KCNT2: variants seen among roughly 807,000 people sequenced by gnomAD.
KCNT2 encodes potassium channel subfamily T member 2.
A neutral mutation model predicts 153.8 loss-of-function variants in KCNT2; 67 were observed. The observed-to-expected ratio is 0.44, with a 90% CI of 0.36 to 0.53. The LOEUF (loss-of-function observed/expected upper bound fraction) is 0.53, where lower values mean the gene tolerates loss of function less well. Ranked by LOEUF, KCNT2 falls within the 20% of genes least tolerant of loss-of-function variation. The pLI, the probability that KCNT2 is intolerant of heterozygous loss-of-function variation, is 0.00. For synonymous variants in KCNT2, 500 were observed against 458.8 expected, an observed-to-expected ratio of 1.09 and a Z score of -1.15; for missense variants, 975 against 1,354.8, an observed-to-expected ratio of 0.72 and a Z score of 4.40.
In KCNT2 at chr1:196,334,022, A is replaced by G; in HGVS notation, c.1822T>C (p.Ser608Pro). 6.2e-7 allele frequency: 1 copy of G among 1,613,370 alleles called. No individual in the cohort carries two copies. Among genetic ancestry groups the G allele is most frequent in the Non-Finnish European group, 8.5e-7 (1 of 1,179,638 alleles). Residue 608 changes from serine (S) to proline (P), a missense_variant, in exon 17 of 28, where the codon TCA (serine) becomes CCA (proline). This residue lies in a region of KCNT2 where 325 missense variants were observed against 388.1 expected (regional missense o/e 0.84). Transcript: ENST00000294725. ...AGAGACAGGGTAGGGCCACTTGCTG[A>G]TCTACAGCTTGTATCTTGCAAGTCT... ...AIDLQDTSCR[S>P]ASGPTLSLPT...
chr1:196,464,670 A>C (rs756053466), intron 8 of KCNT2, among the ~76,000 whole-genome samples: 2 of 151,950 alleles, frequency 1.3e-5, no homozygotes, highest in African/African-American at 2.4e-5. Flanking sequence ...TTCTCTCATT[A>C]AGGATCTGAA....
At chr1:196,432,262 C>G (rs1437755067) in intron 8 of KCNT2, among the ~76,000 whole-genome samples, 1 of 152,108 alleles carries the variant, frequency 6.6e-6, no homozygotes, top group Non-Finnish European at 1.5e-5. Context: ...CAAAGGATTC[C>G]TTGGAGAGCC....
chr1:196,412,218 A>G (rs971764422), intron 12 of KCNT2, among the ~76,000 whole-genome samples: 3 of 151,710 alleles, frequency 2.0e-5, no homozygotes, highest in African/African-American at 4.8e-5. Flanking sequence ...ATTTTCACTA[A>G]CATTGTACAC....
intron 15 of KCNT2, among the ~76,000 whole-genome samples, chr1:196,341,101 C>T (rs1052637594): frequency 4.0e-5 from 6 of 151,794 alleles, no homozygotes; most frequent in African/African-American, 1.5e-4. Flanking sequence ...TACAGAAGCT[C>T]CTTGACTTAT....
intron 1 of KCNT2, among the ~76,000 whole-genome samples, chr1:196,563,004 C>T (rs1198811362): frequency 6.6e-6 from 1 of 151,770 alleles, no homozygotes; most frequent in Non-Finnish European, 1.5e-5. Flanking sequence ...TAGAGGCTGT[C>T]CCAAAATTTG....
intron 26 of KCNT2, among the ~76,000 whole-genome samples, chr1:196,252,929 C>T (rs1411267839): frequency 6.6e-6 from 1 of 150,778 alleles, no homozygotes; most frequent in African/African-American, 2.4e-5. Context: ...TACATTTTAC[C>T]TATATTCCTC....
chr1:196,594,418 T>C (rs1663797714), intron 1 of KCNT2, among the ~76,000 whole-genome samples: 1 of 152,182 alleles, frequency 6.6e-6, no homozygotes, highest in African/African-American at 2.4e-5. Flanking sequence ...TATAATAATG[T>C]ACACATATAT....
chr1:196,336,277 T>C (rs753223640), intron 16 of KCNT2, among the ~76,000 whole-genome samples: 10 of 152,090 alleles, frequency 6.6e-5, no homozygotes, highest in Non-Finnish European at 1.2e-4. Context: ...ACACCTTAGC[T>C]TTTGTAATTA....
intron 13 of KCNT2, among the ~76,000 whole-genome samples, chr1:196,396,201 T>G (rs1253895666): frequency 6.6e-6 from 1 of 151,638 alleles, no homozygotes; most frequent in Non-Finnish European, 1.5e-5. Context: ...ACTGGGTTTC[T>G]TTATATGTAG....
intron 22 of KCNT2, among the ~76,000 whole-genome samples, chr1:196,301,644 A>C (rs1367056138): frequency 6.6e-6 from 1 of 152,218 alleles, no homozygotes; most frequent in Non-Finnish European, 1.5e-5. Flanking sequence ...ACCTATCCCT[A>C]TAAATCCTAC....
At chr1:196,296,936 GA>G (rs1038316770) in intron 22 of KCNT2, among the ~76,000 whole-genome samples, 2 of 151,788 alleles carry the variant, frequency 1.3e-5, no homozygotes, top group African/African-American at 4.8e-5. Context: ...TAATAAGCAA[GA>G]AAAAAATCAT....
intron 1 of KCNT2, among the ~76,000 whole-genome samples, chr1:196,508,956 CA>C (rs1371461478): frequency 6.6e-6 from 1 of 152,076 alleles, no homozygotes; most frequent in Non-Finnish European, 1.5e-5. Flanking sequence ...TAAACATTTG[CA>C]CTGGGATGCA....
intron 12 of KCNT2, among the ~76,000 whole-genome samples, chr1:196,407,302 A>G (rs1033195642): frequency 4.0e-5 from 6 of 151,474 alleles, no homozygotes; most frequent in Admixed American, 2.0e-4. Flanking sequence ...TAAAGAGGTC[A>G]GGTTATCTTG....
intron 12 of KCNT2, among the ~76,000 whole-genome samples, chr1:196,409,073 GT>G (rs576595192): frequency 0.062 from 8,715 of 140,166 alleles, 358 homozygotes; most frequent in Non-Finnish European, 0.09. Flanking sequence ...ACATTTAGGA[GT>G]TTTTTTTTTT....
At position 196,517,933 on chromosome 1, in the gene KCNT2, A is replaced by T. The variant is rs79388296; in HGVS notation, c.96-25592T>A. On this transcript the variant is annotated intron_variant, in intron 1 of 27. Coordinates refer to ENST00000294725, the MANE Select transcript of KCNT2 (RefSeq NM_198503.5). ...ATACAGAGAACCCCTGCAAGATTAA[A>T]CACAAGCAGATTATCCCTAAGACAC... is the stretch of plus-strand genomic sequence containing the variant. Among the ~76,000 whole-genome samples, 144 of 152,240 alleles carry T rather than the reference A, an allele frequency of 9.5e-4. 4 individuals are homozygous for T. The East Asian group carries it at 0.025, about 27-fold the overall frequency.
At chr1:196,364,161 T>A (rs1667852938) in intron 14 of KCNT2, among the ~76,000 whole-genome samples, 1 of 152,188 alleles carries the variant, frequency 6.6e-6, no homozygotes, top group South Asian at 2.1e-4. Flanking sequence ...CCCCTTCTTT[T>A]GATAATTGCA....
chr1:196,567,089 T>C (rs905276875), intron 1 of KCNT2, among the ~76,000 whole-genome samples: 5 of 152,140 alleles, frequency 3.3e-5, no homozygotes, highest in African/African-American at 1.2e-4. Context: ...AATCAAAAAC[T>C]TTACTTGATG....
At chr1:196,331,769 A>G (rs899746196) in intron 17 of KCNT2, among the ~76,000 whole-genome samples, 7 of 152,166 alleles carry the variant, frequency 4.6e-5, no homozygotes, top group Admixed American at 2.0e-4. Context: ...TTTACAAAAT[A>G]CATTTAAGGC....
intron 15 of KCNT2, 53 bp from the exon 16 acceptor site, chr1:196,340,623 G>C (rs1030651246): frequency 2.8e-6 from 3 of 1,084,728 alleles, no homozygotes; most frequent in East Asian, 2.5e-5. Flanking sequence ...TTATTGTAAG[G>C]CTGAGGAAAA....
Sources: gnomAD v4.1 joint callset for allele counts (sites outside exome capture counted in the v4.1 genomes callset) on GRCh38, gnomAD v4.1.1 for gene constraint, gnomAD v4.1.1 regional missense constraint, MANE v1.5 for transcripts, NCBI Gene and HGNC (gene_info 2026-07-23, HGNC 2026-07-21) for gene names.